IGF1R: variants seen among roughly 807,000 people sequenced by gnomAD.
IGF1R encodes insulin-like growth factor 1 receptor.
A neutral mutation model predicts 144.6 loss-of-function variants in IGF1R; 44 were observed. That is an observed-to-expected ratio of 0.30 (90% CI 0.24 to 0.39). The LOEUF (loss-of-function observed/expected upper bound fraction) is 0.39, where lower values mean the gene tolerates loss of function less well. Among genes scored for constraint, IGF1R ranks in the 10% least tolerant of loss-of-function variants. The pLI is 1.00. For missense variants in IGF1R, 1,355 were observed against 1,833.7 expected, an observed-to-expected ratio of 0.74 and a Z score of 4.77; for synonymous variants, 795 against 722.8, an observed-to-expected ratio of 1.10 and a Z score of -1.60.
intron 2 of IGF1R, among the ~76,000 whole-genome samples, chr15:98,840,976 T>C (rs966836542): frequency 6.6e-6 from 1 of 152,204 alleles, no homozygotes; most frequent in Non-Finnish European, 1.5e-5. Context: ...ACACTGCGCC[T>C]GGCCGTCCAG....
At chr15:98,877,489 CTTTTTT>C (rs5814908) in intron 2 of IGF1R, among the ~76,000 whole-genome samples, 8 of 85,590 alleles carry the variant, frequency 9.3e-5, no homozygotes, top group African/African-American at 1.4e-4. Flanking sequence ...CACTAGCAGC[CTTTTTT>C]TTTTTTTTTT....
At chr15:98,738,175 G>A (rs1487077498) in intron 2 of IGF1R, among the ~76,000 whole-genome samples, 1 of 152,172 alleles carries the variant, frequency 6.6e-6, no homozygotes, top group Admixed American at 6.5e-5. Flanking sequence ...CTTTACCGGG[G>A]TAAAACATGG....
At chr15:98,798,866 T>C (rs2056303746) in intron 2 of IGF1R, among the ~76,000 whole-genome samples, 1 of 152,148 alleles carries the variant, frequency 6.6e-6, no homozygotes, top group Non-Finnish European at 1.5e-5. Context: ...GAATATTTAT[T>C]GAGCACTTAC....
chr15:98,681,878 T>G (rs1272256633), intron 1 of IGF1R, among the ~76,000 whole-genome samples: 2 of 152,190 alleles, frequency 1.3e-5, no homozygotes, highest in Non-Finnish European at 2.9e-5. Context: ...ATGGTCACTC[T>G]TCAGGATGGG....
chr15:98,737,027 A>G (rs1305650336), intron 2 of IGF1R, among the ~76,000 whole-genome samples: 1 of 152,220 alleles, frequency 6.6e-6, no homozygotes, highest in Non-Finnish European at 1.5e-5. Context: ...ATGTATTCAA[A>G]GTCAGTCGAT....
chr15:98,841,733 T>C (rs2011177868), intron 2 of IGF1R, among the ~76,000 whole-genome samples: 1 of 152,232 alleles, frequency 6.6e-6, no homozygotes, highest in Non-Finnish European at 1.5e-5. Context: ...AGCCTCACCA[T>C]GAATGGGAGT....
intron 1 of IGF1R, among the ~76,000 whole-genome samples, chr15:98,664,863 A>T (rs1465250932): frequency 6.6e-6 from 1 of 151,988 alleles, no homozygotes; most frequent in African/African-American, 2.4e-5. Flanking sequence ...CTTCCTTTAA[A>T]AAAAAAAATA....
At chr15:98,766,035 TTC>T (rs2055429814) in intron 2 of IGF1R, among the ~76,000 whole-genome samples, 2 of 152,248 alleles carry the variant, frequency 1.3e-5, no homozygotes, top group South Asian at 4.1e-4. Flanking sequence ...GAGGAAGGTG[TTC>T]TCTACAGACT....
intron 2 of IGF1R, among the ~76,000 whole-genome samples, chr15:98,851,983 G>T (rs2011546208): frequency 6.6e-6 from 1 of 152,204 alleles, no homozygotes. Flanking sequence ...ACAATTTTTA[G>T]TACAGGGATT....
chr15:98,922,425 C>G lies in IGF1R; in HGVS notation c.2479C>G (p.Pro827Ala). 2 of 1,610,250 alleles carry G rather than the reference C, an allele frequency of 1.2e-6. No individual in the cohort carries two copies. The highest frequency in any genetic ancestry group is 1.7e-6 in the Non-Finnish European group (2 of 1,180,014). The stretch of plus-strand genomic sequence containing the variant: ...CAACTTCGTCTTTGCAAGGACTATG[C>G]CCGCAGGTATGGTATGATCCAGCTG... Reference protein sequence around the residue: ...ASNFVFARTMPAEGADDIPGP... With the variant: ...ASNFVFARTMAAEGADDIPGP... The change falls in exon 11 of 21, where the codon CCC (proline) becomes GCC (alanine). Residue 827 changes from proline to alanine, a missense_variant. This residue lies in a region of IGF1R where 880 missense variants were observed against 1,202.7 expected (regional missense o/e 0.73). Coordinates refer to ENST00000650285, the MANE Select transcript of IGF1R (RefSeq NM_000875.5).
chr15:98,651,104 A>G (rs1379696238), intron 1 of IGF1R: 7 of 976,802 alleles, frequency 7.2e-6, no homozygotes, highest in Non-Finnish European at 8.5e-6. Flanking sequence ...TGCCGAGGGT[A>G]TGCAGGTGGT....
At chr15:98,666,825 C>T (rs547321465) in intron 1 of IGF1R, among the ~76,000 whole-genome samples, 3 of 152,140 alleles carry the variant, frequency 2.0e-5, no homozygotes, top group Admixed American at 6.5e-5. Flanking sequence ...TGGATGGTTA[C>T]GGTGGTTGAG....
At chr15:98,892,972 G>A (rs753777494) in intron 3 of IGF1R, among the ~76,000 whole-genome samples, 2 of 152,236 alleles carry the variant, frequency 1.3e-5, no homozygotes, top group Admixed American at 6.5e-5. Context: ...AGCCAAAATC[G>A]CCTCACTGCA....
chr15:98,830,603 A>ATTTTTTTTTTTTT (rs1555450173), intron 2 of IGF1R, among the ~76,000 whole-genome samples: 2 of 133,722 alleles, frequency 1.5e-5, no homozygotes, highest in African/African-American at 6.6e-5. Context: ...TCTGATCATC[A>ATTTTTTTTTTTTT]TCTTTTTTTT....
chr15:98,659,065 C>G (rs916956994), intron 1 of IGF1R, among the ~76,000 whole-genome samples: 3 of 152,216 alleles, frequency 2.0e-5, no homozygotes, highest in African/African-American at 7.2e-5. Context: ...GTGACATCCT[C>G]GAACAGAGAT....
At chr15:98,670,113 TA>T (rs966046133) in intron 1 of IGF1R, among the ~76,000 whole-genome samples, 1 of 152,146 alleles carries the variant, frequency 6.6e-6, no homozygotes, top group Non-Finnish European at 1.5e-5. Flanking sequence ...GTGAGGTGTG[TA>T]AAATGCAGCC....
chr15:98,791,345 T>C (rs2056123074), intron 2 of IGF1R, among the ~76,000 whole-genome samples: 1 of 152,206 alleles, frequency 6.6e-6, no homozygotes, highest in Non-Finnish European at 1.5e-5. Flanking sequence ...TAATATTTAG[T>C]TTTTACTTCA....
At chr15:98,665,098 C>T (rs1456581454) in intron 1 of IGF1R, among the ~76,000 whole-genome samples, 1 of 152,006 alleles carries the variant, frequency 6.6e-6, no homozygotes. Context: ...GCTGGGACTA[C>T]AGGCGTCCGC....
chr15:98,907,240 G>A (rs1172035324), intron 5 of IGF1R, among the ~76,000 whole-genome samples: 1 of 152,226 alleles, frequency 6.6e-6, no homozygotes, highest in Admixed American at 6.5e-5. Flanking sequence ...TGGCAGCATT[G>A]TAACCATAAT....
Sources: allele counts gnomAD v4.1 joint callset (sites outside exome capture counted in the v4.1 genomes callset), GRCh38; gene constraint gnomAD v4.1.1; regional missense constraint gnomAD v4.1.1; transcripts MANE v1.5; gene names NCBI Gene and HGNC (gene_info 2026-07-23, HGNC 2026-07-21).